IQSEC1: variants seen among roughly 807,000 people sequenced by gnomAD.
IQSEC1 encodes the protein IQ motif and SEC7 domain-containing protein 1.
IQSEC1 carries 31 observed loss-of-function variants against 91.0 expected under a neutral mutation model. The ratio of observed to expected loss-of-function variants is 0.34; its 90% CI spans 0.26 to 0.46. The LOEUF (loss-of-function observed/expected upper bound fraction) is 0.46. Ranked by LOEUF, IQSEC1 falls within the 20% of genes least tolerant of loss-of-function variation. The pLI, the probability that IQSEC1 is intolerant of heterozygous loss-of-function variation, is 1.00. For missense variants in IQSEC1, 1,388 were observed against 1,575.6 expected, an observed-to-expected ratio of 0.88 and a Z score of 2.02; for synonymous variants, 699 against 662.6, an observed-to-expected ratio of 1.05 and a Z score of -0.84.
intron 1 of IQSEC1, among the ~76,000 whole-genome samples, chr3:13,009,034 C>T (rs989637207): frequency 6.6e-6 from 1 of 152,222 alleles, no homozygotes; most frequent in Non-Finnish European, 1.5e-5. Context: ...ATCGACAGCC[C>T]TTTTCCTCTC....
chr3:12,899,318 C>T lies in IQSEC1; in HGVS notation c.*1665G>A, dbSNP rs1415548162. On this transcript the variant is annotated 3_prime_UTR_variant, in exon 14 of 14. Coordinates refer to ENST00000613206, the MANE Select transcript of IQSEC1 (RefSeq NM_001134382.3). Reference sequence around the variant, plus strand: ...CGGCCCCGCGGCCCGCAGAGTCAGGCGTGAGCTTCGCCCTTTCTGAAAGGG... The same window carrying T: ...CGGCCCCGCGGCCCGCAGAGTCAGGTGTGAGCTTCGCCCTTTCTGAAAGGG... 2.4e-5 allele frequency: 37 copies of T among 1,545,506 alleles called. No homozygotes were observed. Among genetic ancestry groups the T allele is most frequent in the South Asian group, 1.5e-4 (13 of 87,102 alleles).
chr3:13,237,106 T>C (rs1694943693), intron 1 of IQSEC1, among the ~76,000 whole-genome samples: 1 of 152,228 alleles, frequency 6.6e-6, no homozygotes, highest in African/African-American at 2.4e-5. Flanking sequence ...CCAGAACCTC[T>C]CCACTTTCCT....
Position 12,967,549 on chromosome 3 carries a change from C to CACCCGGCCACCCGGAG in IQSEC1, c.24-25700_24-25685dup. 7.3e-7 allele frequency: 1 copy of CACCCGGCCACCCGGAG among 1,362,392 alleles called. No individual in the cohort carries two copies. The allele number at this position is 1,362,392 out of a possible 1,614,324, so 84.4% of individuals were successfully genotyped here. A position where few individuals can be genotyped will look rare whatever the true frequency, so the allele number is the denominator to read the frequency against. ...GCGAGCCGCCGGATCCCGGGGCCGA[C>CACCCGGCCACCCGGAG]ACCCGGCCACCCGGAGACCCGACCA... is the stretch of plus-strand genomic sequence containing the variant. On this transcript the variant is annotated intron_variant, in intron 1 of 13. Transcript: ENST00000613206. The surrounding 1 kb of genome is among the most constrained non-coding windows in gnomAD (Gnocchi z 5.9).
chr3:13,218,864 C>T (rs1694598922), intron 1 of IQSEC1, among the ~76,000 whole-genome samples: 1 of 152,184 alleles, frequency 6.6e-6, no homozygotes, highest in Non-Finnish European at 1.5e-5. Context: ...AGGAGGGCAG[C>T]CCCGGCCGCC....
intron 1 of IQSEC1, among the ~76,000 whole-genome samples, chr3:12,997,133 C>T (rs1348611300): frequency 6.6e-6 from 1 of 152,234 alleles, no homozygotes; most frequent in Non-Finnish European, 1.5e-5. Context: ...ATTACTGGGA[C>T]TTTGTCCTAG....
At position 13,207,124 on chromosome 3, in the gene IQSEC1, C is replaced by G. The variant is rs1694358961; in HGVS notation, c.273-42991G>C. Among the ~76,000 whole-genome samples the G allele has an allele frequency of 3.9e-5, 6 of 152,094 alleles. No individual in the cohort carries two copies. The South Asian group carries it at 1.2e-3, about 32-fold the overall frequency. On this transcript the variant is annotated intron_variant, in intron 1 of 15. Transcript: ENST00000648114. The surrounding 1 kb of genome is among the most constrained non-coding windows in gnomAD (Gnocchi z 4.8). The stretch of plus-strand genomic sequence containing the variant: ...GCCCTGACAATTTCTACTACTGCAT[C>G]GTGGGACCACCCAACTTGTGCCCTC...
At chr3:13,099,707 C>A (rs748146131) in intron 2 of IQSEC1, among the ~76,000 whole-genome samples, 1 of 152,222 alleles carries the variant, frequency 6.6e-6, no homozygotes, top group African/African-American at 2.4e-5. Context: ...GCCCCCTACT[C>A]CCCGCCAACC....
At chr3:13,154,464 T>TATAC (rs1418318880) in intron 2 of IQSEC1, among the ~76,000 whole-genome samples, 1 of 120,476 alleles carries the variant, frequency 8.3e-6, no homozygotes, top group African/African-American at 3.2e-5. Flanking sequence ...TATATATATA[T>TATAC]ATATATATAT....
At chr3:13,230,875 T>C (rs1694829052) in intron 1 of IQSEC1, among the ~76,000 whole-genome samples, 1 of 152,236 alleles carries the variant, frequency 6.6e-6, no homozygotes, top group South Asian at 2.1e-4. Context: ...AACTGGGGCA[T>C]GGACAAAATG....
intron 2 of IQSEC1, among the ~76,000 whole-genome samples, chr3:13,105,113 G>C (rs1706131373): frequency 6.6e-6 from 1 of 152,162 alleles, no homozygotes; most frequent in African/African-American, 2.4e-5. Flanking sequence ...TGAACTCTCT[G>C]GCTCGGCATT....
intron 1 of IQSEC1, among the ~76,000 whole-genome samples, chr3:13,273,283 T>C (rs1485407453): frequency 1.3e-5 from 2 of 152,032 alleles, no homozygotes; most frequent in Non-Finnish European, 2.9e-5. Context: ...CATCTAGAAG[T>C]CCTGGCCAGC....
intron 1 of IQSEC1, among the ~76,000 whole-genome samples, chr3:12,950,433 C>A (rs1476768225): frequency 6.6e-6 from 1 of 152,064 alleles, no homozygotes; most frequent in Non-Finnish European, 1.5e-5. Flanking sequence ...TTTGGGAGGC[C>A]GAGGTGGGAC....
chr3:13,094,714 T>C (rs1191748840), intron 2 of IQSEC1, among the ~76,000 whole-genome samples: 2 of 152,190 alleles, frequency 1.3e-5, no homozygotes, highest in South Asian at 4.1e-4. Flanking sequence ...GACAGAGGGC[T>C]GCAGGGCTCA....
chr3:12,936,118 G>T lies in IQSEC1; in HGVS notation c.898C>A (p.Pro300Thr). Residue 300 changes from proline to threonine, a missense_variant, in exon 3 of 14, where the codon CCC (proline) becomes ACC (threonine). By Grantham distance (38) the Pro-to-Thr change is conservative. Around this residue, in one of 2 missense-constraint regions of IQSEC1, gnomAD observed 1,059 missense variants for 1,317.8 expected, o/e 0.80. Coordinates refer to ENST00000613206, the MANE Select transcript of IQSEC1 (RefSeq NM_001134382.3). Reference protein sequence around the residue: ...TLYIDEEELSPPLPLSQAGDR... With the variant: ...TLYIDEEELSTPLPLSQAGDR... ...CCTGCCTGCGAGAGGGGCAGAGGGG[G>T]CGACAGCTCCTCCTCATCGATGTAC... 6.2e-7 allele frequency: 1 copy of T among 1,611,864 alleles called. No individual in the cohort carries two copies.
chr3:12,971,520 G>A (rs1246254260), intron 1 of IQSEC1, among the ~76,000 whole-genome samples: 1 of 152,192 alleles, frequency 6.6e-6, no homozygotes, highest in Admixed American at 6.5e-5. Flanking sequence ...GATGGCAGCA[G>A]CATCTTGCAT....
In IQSEC1 at chr3:12,994,811, AT is replaced by A. The variant is rs1559706932; in HGVS notation, c.24-52947del. Among the ~76,000 whole-genome samples the A allele has an allele frequency of 6.6e-6, 1 of 152,216 alleles. No homozygotes were observed. Among genetic ancestry groups the A allele is most frequent in the Non-Finnish European group, 1.5e-5 (1 of 68,028 alleles). ...CGCCCCCATCCCTCAGCCGACCTCG[AT>A]TTAGATGCTGGGACGGGCCCTGGTG... On this transcript the variant is annotated intron_variant, in intron 1 of 13. Coordinates refer to ENST00000613206, the MANE Select transcript of IQSEC1 (RefSeq NM_001134382.3). The surrounding 1 kb of genome is among the most constrained non-coding windows in gnomAD (Gnocchi z 4.5).
At position 12,994,689 on chromosome 3, in the gene IQSEC1, C is replaced by G. The variant is rs1702154246; in HGVS notation, c.24-52824G>C. 6.6e-6 allele frequency among the ~76,000 whole-genome samples: 1 copy of G among 152,204 alleles called. No individual in the cohort carries two copies. Among genetic ancestry groups the G allele is most frequent in the South Asian group, 2.1e-4 (1 of 4,832 alleles). On this transcript the variant is annotated intron_variant, in intron 1 of 13. Transcript: ENST00000613206. The surrounding 1 kb of genome is among the most constrained non-coding windows in gnomAD (Gnocchi z 4.5). ...GCCCACAGCAGGGAAGCCACTGGCC[C>G]AGAGGCGCACAGCTGCACCACGCTC...
rs1694374646 is a variant in IQSEC1, at chr3:13,207,999, C to T, written c.273-43866G>A. Among the ~76,000 whole-genome samples, 1 of 152,222 alleles carries T rather than the reference C, an allele frequency of 6.6e-6. No homozygotes were observed. Among genetic ancestry groups the T allele is most frequent in the South Asian group, 2.1e-4 (1 of 4,808 alleles). ...GCATCTTGAATGAACGAATAAATCA[C>T]TGTATGTTTCTATCACAGACATCTT... On this transcript the variant is annotated intron_variant, in intron 1 of 15. Transcript: ENST00000648114. This position sits in a 1 kb window ranked among gnomAD's most constrained non-coding sequence, Gnocchi z 4.8.
chr3:12,982,697 T>C (rs1358622330), intron 1 of IQSEC1, among the ~76,000 whole-genome samples: 1 of 152,242 alleles, frequency 6.6e-6, no homozygotes, highest in Non-Finnish European at 1.5e-5. Context: ...GTCCCCTTTC[T>C]AGTCCTGGTG....
Sources: gnomAD v4.1 joint callset for allele counts (sites outside exome capture counted in the v4.1 genomes callset) on GRCh38, gnomAD v4.1.1 for gene constraint, gnomAD v4.1.1 regional missense constraint, Gnocchi (gnomAD v3.1) non-coding constraint, MANE v1.5 for transcripts, NCBI Gene and HGNC (gene_info 2026-07-23, HGNC 2026-07-21) for gene names.